The following CDIN1 variants were observed in gnomAD, a reference collection of about 807,000 sequenced individuals.
CDIN1 encodes the protein CDAN1-interacting nuclease 1.
In CDIN1, 33 loss-of-function variants were observed where a neutral mutation model predicts 45.3. The ratio of observed to expected loss-of-function variants is 0.73; its 90% CI spans 0.55 to 0.97. The LOEUF is 0.97. CDIN1 is among the 50% of genes least tolerant of loss of function. CDIN1 has a pLI of 0.00. For synonymous variants in CDIN1, 118 were observed against 124.4 expected (o/e 0.95, Z 0.34); for missense variants, 303 against 339.4 (o/e 0.89, Z 0.84).
chr15:36,595,336 TATAAA>T (rs1188843482), intron 1 of CDIN1, among the ~76,000 whole-genome samples: 127 of 135,142 alleles, frequency 9.4e-4, no homozygotes, highest in South Asian at 4.8e-3. Flanking sequence ...TATAATATAA[TATAAA>T]ATAATATGAT....
At chr15:36,743,768 G>A (rs938630220) in intron 10 of CDIN1, among the ~76,000 whole-genome samples, 2 of 151,776 alleles carry the variant, frequency 1.3e-5, no homozygotes, top group Non-Finnish European at 2.9e-5. Flanking sequence ...ATGCGCATGT[G>A]GTCCTGGCTA....
intron 10 of CDIN1, among the ~76,000 whole-genome samples, chr15:36,712,260 C>CTTTTTTTTTTTTTTTTTT (rs780494427): frequency 2.6e-5 from 2 of 77,396 alleles, no homozygotes; most frequent in East Asian, 4.4e-4. Flanking sequence ...TAGACTAATG[C>CTTTTTTTTTTTTTTTTTT]TTTTTTTTTT....
chr15:36,700,367 G>GCA (rs2042586685), intron 8 of CDIN1, among the ~76,000 whole-genome samples: 2 of 152,106 alleles, frequency 1.3e-5, no homozygotes, highest in Non-Finnish European at 2.9e-5. Context: ...ATCTCACTTA[G>GCA]TAGGTGCTCA....
chr15:36,806,618 G>C (rs910666878), intron 10 of CDIN1, among the ~76,000 whole-genome samples: 9 of 152,102 alleles, frequency 5.9e-5, no homozygotes, highest in African/African-American at 2.2e-4. Context: ...TCACTGATGG[G>C]AAGGTTTGTG....
At chr15:36,790,652 T>G (rs1020943708) in intron 10 of CDIN1, among the ~76,000 whole-genome samples, 1 of 152,216 alleles carries the variant, frequency 6.6e-6, no homozygotes, top group South Asian at 2.1e-4. Context: ...ATGTCTAAAA[T>G]ATTATGTATC....
At chr15:36,620,167 C>G (rs1322736576) in intron 1 of CDIN1, among the ~76,000 whole-genome samples, 1 of 151,848 alleles carries the variant, frequency 6.6e-6, no homozygotes, top group Admixed American at 6.6e-5. Context: ...CTGGCTAACA[C>G]GATGAAACCC....
intron 10 of CDIN1, among the ~76,000 whole-genome samples, chr15:36,734,204 TC>T (rs935347502): frequency 1.1e-4 from 17 of 152,006 alleles, no homozygotes; most frequent in African/African-American, 4.1e-4. Flanking sequence ...ATAGTAGTCT[TC>T]CCCCTCCTAA....
At chr15:36,585,941 A>G (rs1371254078) in intron 1 of CDIN1, among the ~76,000 whole-genome samples, 1 of 152,162 alleles carries the variant, frequency 6.6e-6, no homozygotes, top group Non-Finnish European at 1.5e-5. Flanking sequence ...GACTCACAAA[A>G]CAGGCTCTAC....
intron 10 of CDIN1, among the ~76,000 whole-genome samples, chr15:36,788,358 A>T (rs1299853065): frequency 6.6e-6 from 1 of 151,734 alleles, no homozygotes; most frequent in Non-Finnish European, 1.5e-5. Context: ...TGCTGGGATT[A>T]CATACATGAG....
chr15:36,594,130 GT>G (rs2037710218), intron 1 of CDIN1, among the ~76,000 whole-genome samples: 1 of 152,004 alleles, frequency 6.6e-6, no homozygotes, highest in Non-Finnish European at 1.5e-5. Context: ...TTCTCCTTTA[GT>G]TTTCATTGTA....
At chr15:36,689,898 G>T (rs1169513368) in intron 5 of CDIN1, among the ~76,000 whole-genome samples, 2 of 152,104 alleles carry the variant, frequency 1.3e-5, no homozygotes, top group African/African-American at 4.8e-5. Flanking sequence ...CTTCTCTAGA[G>T]ACCACACAAG....
intron 1 of CDIN1, among the ~76,000 whole-genome samples, chr15:36,589,482 A>G (rs1332061253): frequency 2.6e-5 from 4 of 151,026 alleles, no homozygotes; most frequent in Non-Finnish European, 4.4e-5. Context: ...GAAACTCCTA[A>G]CTGAATGACA....
intron 10 of CDIN1, among the ~76,000 whole-genome samples, chr15:36,804,411 G>C (rs1453189795): frequency 6.6e-6 from 1 of 152,072 alleles, no homozygotes; most frequent in Non-Finnish European, 1.5e-5. Context: ...AAAGCTGTCT[G>C]ATCATCTTAG....
chr15:36,767,032 T>C (rs890766716), intron 10 of CDIN1, among the ~76,000 whole-genome samples: 7 of 152,212 alleles, frequency 4.6e-5, no homozygotes, highest in African/African-American at 1.7e-4. Flanking sequence ...CAGGAAGCTT[T>C]TTCCCTATGC....
At chr15:36,587,779 T>A (rs1354651744) in intron 1 of CDIN1, among the ~76,000 whole-genome samples, 2 of 152,178 alleles carry the variant, frequency 1.3e-5, no homozygotes, top group African/African-American at 4.8e-5. Context: ...TGAGTCACAG[T>A]TGTCTCATCT....
intron 10 of CDIN1, among the ~76,000 whole-genome samples, chr15:36,771,144 G>A (rs745507093): frequency 1.3e-5 from 2 of 152,152 alleles, no homozygotes; most frequent in Non-Finnish European, 2.9e-5. Flanking sequence ...TCATTCTGAG[G>A]AATGGTTACT....
At chr15:36,673,182 T>G (rs1332340124) in intron 5 of CDIN1, among the ~76,000 whole-genome samples, 1 of 152,168 alleles carries the variant, frequency 6.6e-6, no homozygotes, top group African/African-American at 2.4e-5. Flanking sequence ...AATGAGGGCT[T>G]TAGCAGCCGG....
intron 1 of CDIN1, among the ~76,000 whole-genome samples, chr15:36,639,052 G>T (rs1321748692): frequency 6.6e-6 from 1 of 152,174 alleles, no homozygotes; most frequent in East Asian, 1.9e-4. Flanking sequence ...AAATAAGGAG[G>T]ATAGCAGTAC....
chr15:36,622,657 A>G (rs984863502), intron 1 of CDIN1, among the ~76,000 whole-genome samples: 1 of 152,204 alleles, frequency 6.6e-6, no homozygotes, highest in Non-Finnish European at 1.5e-5. Context: ...AGCAAATGGG[A>G]CTTATCCTTG....
Sources: allele counts gnomAD v4.1 joint callset (sites outside exome capture counted in the v4.1 genomes callset), GRCh38; gene constraint gnomAD v4.1.1; transcripts MANE v1.5; gene names NCBI Gene and HGNC (gene_info 2026-07-23, HGNC 2026-07-21).